The following ZBTB8OS variants were observed in gnomAD, a reference collection of about 807,000 sequenced individuals.
ZBTB8OS encodes the protein tRNA-splicing ligase-activating factor archease.
Under a neutral mutation model 29.3 loss-of-function variants are expected in ZBTB8OS, and 16 were observed. That is an observed-to-expected ratio of 0.55 (90% confidence interval 0.37 to 0.83). The LOEUF (loss-of-function observed/expected upper bound fraction) is 0.83, where lower values mean the gene tolerates loss of function less well. ZBTB8OS is among the 40% of genes least tolerant of loss of function. The pLI is 0.00. For synonymous variants in ZBTB8OS, 70 were observed against 64.6 expected (o/e 1.08, Z -0.40); for missense variants, 160 against 196.9 (o/e 0.81, Z 1.12).
Position 32,627,405 on chromosome 1 carries a change from T to C in ZBTB8OS, c.417+103A>G, listed in dbSNP as rs904903551. The C allele has an allele frequency of 1.9e-5, 19 of 1,018,084 alleles. No individual in the cohort carries two copies. The East Asian group carries it at 2.9e-4, about 15-fold the overall frequency. 63.1% of individuals were successfully genotyped at this position (1,018,084 alleles called of 1,614,324 possible). ...GTCAGAGAAGCTTGAGAAAAACTTA[T>C]CACTTTACACCAGTTAGAACTAACT... On this transcript the variant is annotated intron_variant, in intron 6 of 6. Coordinates refer to ENST00000468695, the MANE Select transcript of ZBTB8OS (RefSeq NM_178547.5).
At chr1:32,629,393 G>C (rs1645364660) in intron 5 of ZBTB8OS, among the ~76,000 whole-genome samples, 1 of 151,896 alleles carries the variant, frequency 6.6e-6, no homozygotes, top group Non-Finnish European at 1.5e-5. Context: ...TCCAGGCTGA[G>C]AGACAAAGCA....
chr1:32,648,018 G>A, intron 1 of ZBTB8OS, among the ~76,000 whole-genome samples: 1 of 149,294 alleles, frequency 6.7e-6, no homozygotes, highest in African/African-American at 2.5e-5. Flanking sequence ...TGCCTAGTAA[G>A]AAAAACCAAC....
intron 4 of ZBTB8OS, among the ~76,000 whole-genome samples, chr1:32,632,681 C>A (rs887601689): frequency 6.6e-6 from 1 of 151,992 alleles, no homozygotes; most frequent in Non-Finnish European, 1.5e-5. Flanking sequence ...CTTACATATT[C>A]AAGGGAGGTA....
intron 4 of ZBTB8OS, among the ~76,000 whole-genome samples, chr1:32,632,854 T>C (rs570801392): frequency 6.6e-6 from 1 of 152,108 alleles, no homozygotes; most frequent in Non-Finnish European, 1.5e-5. Context: ...AACAGATATA[T>C]GGTGGAGGAG....
intron 6 of ZBTB8OS, among the ~76,000 whole-genome samples, chr1:32,625,654 T>C (rs1645074947): frequency 6.6e-6 from 1 of 152,120 alleles, no homozygotes; most frequent in South Asian, 2.1e-4. Context: ...GGGGGATTGC[T>C]TGAGACTAGG....
chr1:32,645,200 T>G (rs1646744621), intron 1 of ZBTB8OS, among the ~76,000 whole-genome samples: 1 of 144,336 alleles, frequency 6.9e-6, no homozygotes, highest in Non-Finnish European at 1.5e-5. Flanking sequence ...TCATTTTCAT[T>G]CAAGAATGTC....
intron 1 of ZBTB8OS, among the ~76,000 whole-genome samples, chr1:32,638,801 C>A (rs1646187692): frequency 6.6e-6 from 1 of 151,420 alleles, no homozygotes. Context: ...GTAATCCCAG[C>A]TACTTGGGAG....
intron 6 of ZBTB8OS, among the ~76,000 whole-genome samples, chr1:32,626,169 G>A (rs1415403428): frequency 6.6e-6 from 1 of 151,844 alleles, no homozygotes; most frequent in African/African-American, 2.4e-5. Context: ...CACCACGCCG[G>A]GCCTATAATA....
chr1:32,642,624 C>T (rs1162889584), intron 1 of ZBTB8OS, among the ~76,000 whole-genome samples: 4 of 150,394 alleles, frequency 2.7e-5, no homozygotes, highest in African/African-American at 9.8e-5. Flanking sequence ...CCCTCCCAAT[C>T]CTAAAGATGT....
chr1:32,624,576 T>C (rs1055633363), intron 6 of ZBTB8OS, among the ~76,000 whole-genome samples: 7 of 152,204 alleles, frequency 4.6e-5, no homozygotes, highest in African/African-American at 1.7e-4. Flanking sequence ...AATAAGCTAT[T>C]TGTAAAACAT....
intron 6 of ZBTB8OS, among the ~76,000 whole-genome samples, chr1:32,627,233 G>A (rs1222889452): frequency 6.6e-6 from 1 of 152,138 alleles, no homozygotes; most frequent in African/African-American, 2.4e-5. Context: ...TTTATTATAG[G>A]AGAAGAAATA....
chr1:32,635,721 A>G (rs141807616), intron 1 of ZBTB8OS, among the ~76,000 whole-genome samples: 48 of 152,304 alleles, frequency 3.2e-4, no homozygotes, highest in Admixed American at 7.2e-4. Context: ...AGTGAAAGAA[A>G]TCGGACCTAA....
chr1:32,634,836 CT>C (rs1198086438), intron 1 of ZBTB8OS, 44 bp from the exon 2 acceptor site: 1 of 1,278,162 alleles, frequency 7.8e-7, no homozygotes, highest in South Asian at 1.2e-5. Flanking sequence ...CTAAACTTGA[CT>C]CTCAAATCAC....
chr1:32,643,398 T>A (rs1646588135), intron 1 of ZBTB8OS, among the ~76,000 whole-genome samples: 1 of 151,430 alleles, frequency 6.6e-6, no homozygotes, highest in Admixed American at 6.6e-5. Context: ...AGTTTTTGGT[T>A]TTTTTTTCTT....
At chr1:32,639,176 TA>T (rs1471615785) in intron 1 of ZBTB8OS, among the ~76,000 whole-genome samples, 1 of 151,858 alleles carries the variant, frequency 6.6e-6, no homozygotes, top group South Asian at 2.1e-4. Flanking sequence ...CATGTGCCTG[TA>T]GTCCCAGATA....
chr1:32,637,500 G>A (rs1197873068), intron 1 of ZBTB8OS, among the ~76,000 whole-genome samples: 2 of 151,868 alleles, frequency 1.3e-5, no homozygotes, highest in Non-Finnish European at 1.5e-5. Context: ...CCCTGGAGGC[G>A]GAGGTTGCAG....
chr1:32,638,136 C>T (rs975435464), intron 1 of ZBTB8OS, among the ~76,000 whole-genome samples: 1 of 150,914 alleles, frequency 6.6e-6, no homozygotes, highest in Non-Finnish European at 1.5e-5. Flanking sequence ...CGCGCCCAGA[C>T]TAAATTATAT....
intron 4 of ZBTB8OS, 72 bp from the exon 5 acceptor site, chr1:32,631,951 T>C: frequency 6.8e-6 from 6 of 879,996 alleles, no homozygotes; most frequent in African/African-American, 1.8e-5. Context: ...CTTTTTGTTC[T>C]GTTTTGTTTT....
intron 1 of ZBTB8OS, among the ~76,000 whole-genome samples, chr1:32,636,309 T>C (rs889547769): frequency 6.6e-6 from 1 of 152,190 alleles, no homozygotes; most frequent in Admixed American, 6.5e-5. Context: ...CGTAAATTAG[T>C]CTTTTTCCAC....
Sources: allele counts gnomAD v4.1 joint callset (sites outside exome capture counted in the v4.1 genomes callset), GRCh38; gene constraint gnomAD v4.1.1; transcripts MANE v1.5; gene names NCBI Gene and HGNC (gene_info 2026-07-23, HGNC 2026-07-21).